The following MIAT variants were observed in gnomAD, a reference collection of about 807,000 sequenced individuals.
MIAT encodes myocardial infarction associated transcript, also known as MI related novel mRNA.
chr22:26,669,514 A>T (rs34311659), exon 6 of MIAT: 46,519 of 398,556 alleles, frequency 0.12, 2,945 homozygotes, highest in Non-Finnish European at 0.13. Context: ...ATATCACCAT[A>T]TTAGGGCTTA....
exon 5 of MIAT, chr22:26,676,005 G>C (rs771198215): frequency 7.5e-6 from 3 of 398,604 alleles, no homozygotes; most frequent in Non-Finnish European, 8.8e-6. Context: ...CATTCTCTTC[G>C]ACCCCTCCCT....
downstream of MIAT, chr22:26,673,924 T>C: frequency 2.5e-6 from 1 of 398,660 alleles, no homozygotes. Flanking sequence ...TAGTCTGCAT[T>C]TGGTTTCAGT....
chr22:26,660,190 G>A (rs949046614), intron 2 of MIAT, among the ~76,000 whole-genome samples: 5 of 151,584 alleles, frequency 3.3e-5, no homozygotes, highest in Admixed American at 6.6e-5. Flanking sequence ...TATTGAAATT[G>A]GCTGGGCATG....
At chr22:26,671,695 G>A, downstream of MIAT, 1 of 398,638 alleles carries the variant, frequency 2.5e-6, no homozygotes, top group Admixed American at 4.4e-5. Context: ...GCCACTTCCT[G>A]TTGAGTGAGT....
intron 2 of MIAT, among the ~76,000 whole-genome samples, chr22:26,651,242 C>T (rs1325385048): frequency 6.6e-6 from 1 of 152,202 alleles, no homozygotes; most frequent in Non-Finnish European, 1.5e-5. Flanking sequence ...TTTGATGACT[C>T]AAATGAGATT....
At chr22:26,665,588 C>A (rs1278131136) in exon 4 of MIAT, 1 of 398,760 alleles carries the variant, frequency 2.5e-6, no homozygotes, top group South Asian at 1.3e-4. Flanking sequence ...TTCTTCAGGA[C>A]GTTCACAACC....
chr22:26,654,563 A>G (rs1324333477), intron 2 of MIAT, among the ~76,000 whole-genome samples: 1 of 152,070 alleles, frequency 6.6e-6, no homozygotes, highest in Non-Finnish European at 1.5e-5. Context: ...AATTAGGGGG[A>G]AGTCGTAGAC....
At chr22:26,651,976 C>T (rs773157620) in intron 2 of MIAT, among the ~76,000 whole-genome samples, 2 of 152,172 alleles carry the variant, frequency 1.3e-5, no homozygotes, top group Non-Finnish European at 2.9e-5. Context: ...GAGGATGCGA[C>T]TTCCCTTTCT....
intron 2 of MIAT, among the ~76,000 whole-genome samples, chr22:26,651,946 G>A (rs1297187198): frequency 4.6e-5 from 7 of 152,200 alleles, no homozygotes; most frequent in East Asian, 3.8e-4. Context: ...TGAATCATAC[G>A]CTTTAAATGG....
intron 2 of MIAT, among the ~76,000 whole-genome samples, chr22:26,652,666 T>G (rs9613236): frequency 6.6e-6 from 1 of 152,126 alleles, no homozygotes; most frequent in South Asian, 2.1e-4. Flanking sequence ...CTCTCTCTCT[T>G]TTTTTAAAGA....
At chr22:26,655,768 C>T (rs1180822037) in intron 2 of MIAT, among the ~76,000 whole-genome samples, 2 of 152,212 alleles carry the variant, frequency 1.3e-5, no homozygotes, top group African/African-American at 4.8e-5. Flanking sequence ...CTTACTGAAA[C>T]ATAGATGTCT....
At chr22:26,649,577 A>G (rs1350801407) in intron 2 of MIAT, among the ~76,000 whole-genome samples, 1 of 152,212 alleles carries the variant, frequency 6.6e-6, no homozygotes, top group Admixed American at 6.5e-5. Context: ...TGGAGGTGGC[A>G]AGAAGTTGAT....
chr22:26,674,030 A>G (rs1319155292), downstream of MIAT: 1 of 398,678 alleles, frequency 2.5e-6, no homozygotes. Context: ...TACAGAGCAT[A>G]TGCCATTTTG....
intron 2 of MIAT, among the ~76,000 whole-genome samples, chr22:26,651,472 T>C (rs994803005): frequency 3.3e-5 from 5 of 152,192 alleles, no homozygotes; most frequent in African/African-American, 1.2e-4. Flanking sequence ...CCCACCTTGC[T>C]ACTGACTCCA....
At chr22:26,647,615 G>T (rs1930257960) in intron 2 of MIAT, among the ~76,000 whole-genome samples, 2 of 152,166 alleles carry the variant, frequency 1.3e-5, no homozygotes, top group Non-Finnish European at 2.9e-5. Flanking sequence ...GGAACCTTGG[G>T]CTGGGGGCCA....
Position 26,661,971 on chromosome 22 carries a change from CACAT to C in MIAT, n.647-1343_647-1340del, listed in dbSNP as rs1408944165. On this transcript the variant is annotated intron_variant and non_coding_transcript_variant, in intron 2 of 5. Coordinates refer to ENST00000643270, the Ensembl canonical transcript of MIAT. ...ATATATATATATATATACACACACACACATATACATGGATCTGCTCTGTCACCCA... is the reference window on the plus strand; with the variant it reads ...ATATATATATATATATACACACACACATACATGGATCTGCTCTGTCACCCA... 6.3e-5 allele frequency among the ~76,000 whole-genome samples: 7 copies of C among 111,484 alleles called. 1 individual carries two copies. Among genetic ancestry groups the C allele is most frequent in the Non-Finnish European group, 1.0e-4 (5 of 49,604 alleles). The allele number at this position is 111,484 out of a possible 152,430, so 73.1% of individuals were successfully genotyped here.
At chr22:26,664,037 G>C (rs1427642252) in intron 3 of MIAT, among the ~76,000 whole-genome samples, 4 of 128,912 alleles carry the variant, frequency 3.1e-5, no homozygotes, top group Non-Finnish European at 4.7e-5. Flanking sequence ...TTTGAGACAA[G>C]ATCTCGCTCT....
At chr22:26,666,080 T>A (rs1930835227) in exon 4 of MIAT, 1 of 398,486 alleles carries the variant, frequency 2.5e-6, no homozygotes, top group African/African-American at 2.1e-5. Context: ...AGTGTAAGTG[T>A]CTGAGCTCAT....
chr22:26,662,149 G>A (rs997831760), intron 2 of MIAT, among the ~76,000 whole-genome samples: 3 of 151,710 alleles, frequency 2.0e-5, no homozygotes, highest in African/African-American at 4.8e-5. Flanking sequence ...TAGAGGCAGA[G>A]CCTTGATCTG....
Sources: allele counts gnomAD v4.1 joint callset (sites outside exome capture counted in the v4.1 genomes callset), GRCh38; gene constraint gnomAD v4.1.1; transcripts MANE v1.5; gene names NCBI Gene and HGNC (gene_info 2026-07-23, HGNC 2026-07-21).